ABCC11: variants seen among roughly 807,000 people sequenced by gnomAD.
ABCC11 encodes the protein ATP binding cassette subfamily C member 11.
ABCC11 carries 135 observed loss-of-function variants against 149.3 expected under a neutral mutation model. The ratio of observed to expected loss-of-function variants is 0.90; its 90% confidence interval spans 0.79 to 1.04. The LOEUF (loss-of-function observed/expected upper bound fraction) is 1.04, where lower values mean the gene tolerates loss of function less well. Among genes scored for constraint, ABCC11 ranks in the 50% least tolerant of loss-of-function variants. The pLI is 0.00. For missense variants in ABCC11, 1,680 were observed against 1,722.1 expected (o/e 0.98, Z 0.43); for synonymous variants, 665 against 671.4 (o/e 0.99, Z 0.15).
At chr16:48,188,902 G>A (rs556983456) in intron 20 of ABCC11, among the ~76,000 whole-genome samples, 1 of 152,346 alleles carries the variant, frequency 6.6e-6, no homozygotes, top group South Asian at 2.1e-4. Context: ...CTCAAAGAAA[G>A]AGGAGGGAAG....
At chr16:48,178,461 C>A in intron 24 of ABCC11, 136 bp downstream of exon 24, 1 of 746,738 alleles carries the variant, frequency 1.3e-6, no homozygotes, top group Non-Finnish European at 2.2e-6. Context: ...CTGGGGAAGA[C>A]AGGGAGGAAA....
Position 48,184,590 on chromosome 16 carries a change from C to G in ABCC11, c.3108G>C (p.Leu1036=), listed in dbSNP as rs748658671. The change falls in exon 23 of 30, where the codon CTG becomes CTC. Residue 1036 remains leucine (L), a synonymous_variant. Transcript: ENST00000356608. ...ATCGTGTGGAAGATAGAAACAACAG[C>G]AGGTAGTTATTCTGCGCATCAGTCA... is the stretch of plus-strand genomic sequence containing the variant. The part of the protein sequence containing the change: ...KRLTDAQNNY[L]LLFLSSTRWM... 3 of 1,614,190 alleles carry G rather than the reference C, an allele frequency of 1.9e-6. No homozygotes were observed. Among genetic ancestry groups the G allele is most frequent in the South Asian group, 2.2e-5 (2 of 91,078 alleles).
In ABCC11 at chr16:48,170,953, G is replaced by T; in HGVS notation, c.3713C>A (p.Pro1238His). Residue 1238 changes from proline to histidine, a missense_variant, in exon 27 of 30, where the codon CCC (proline) becomes CAC (histidine). Pro to His is a moderately conservative substitution (Grantham distance 77, BLOSUM62 -2). Coordinates refer to ENST00000356608, the MANE Select transcript of ABCC11 (RefSeq NM_001370497.1). ...LSGTIRFNLD[P>H]FDRHTDQQIW... ...CTGCTGGTCAGTGTGACGGTCAAAG[G>T]GATCTAGGTTGAATCTACCATATGA... The T allele has an allele frequency of 6.2e-7, 1 of 1,613,436 alleles. No homozygotes were observed. Among genetic ancestry groups the T allele is most frequent in the Non-Finnish European group, 8.5e-7 (1 of 1,179,366 alleles).
At chr16:48,244,498 G>A in intron 1 of ABCC11, 2 of 1,596,560 alleles carry the variant, frequency 1.3e-6, no homozygotes, top group Non-Finnish European at 8.5e-7. Context: ...GACTCGGCCC[G>A]CAACCTGCAG....
At chr16:48,218,597 C>G (rs1969507326) in intron 6 of ABCC11, among the ~76,000 whole-genome samples, 1 of 152,160 alleles carries the variant, frequency 6.6e-6, no homozygotes. Flanking sequence ...TGGCTGGGTT[C>G]CCACCCAAAT....
Position 48,207,300 on chromosome 16 carries a change from C to A in ABCC11, c.1680+1125G>T, listed in dbSNP as rs575837302. 3.3e-5 allele frequency among the ~76,000 whole-genome samples: 5 copies of A among 152,168 alleles called. No individual in the cohort carries two copies. The South Asian group carries it at 1.0e-3, about 32-fold the overall frequency. On this transcript the variant is annotated intron_variant, in intron 12 of 29. Transcript: ENST00000356608. Reference sequence around the variant, plus strand: ...AAATGCATAGCAGGCGTCATGGGTGCTTTTAGTGTTCGTTATAAGGTGTGC... The same window carrying A: ...AAATGCATAGCAGGCGTCATGGGTGATTTTAGTGTTCGTTATAAGGTGTGC...
At position 48,167,489 on chromosome 16, in the gene ABCC11, C is replaced by G. The variant is rs201343009; in HGVS notation, c.4056+7G>C. The G allele has an allele frequency of 9.3e-6, 15 of 1,613,846 alleles. No individual in the cohort carries two copies. The highest frequency in any genetic ancestry group is 2.2e-5 in the South Asian group (2 of 91,068). On this transcript the variant is annotated splice_region_variant and intron_variant, in intron 29 of 29. Coordinates refer to ENST00000356608, the MANE Select transcript of ABCC11 (RefSeq NM_001370497.1). The stretch of plus-strand genomic sequence containing the variant: ...TCCTCCCACCAGCCCAAGGACGCAG[C>G]CTTCACCTTCCCATTGCCCATAACC...
intron 1 of ABCC11, 70 bp from the exon 2 acceptor site, chr16:48,232,009 G>A: frequency 6.3e-7 from 1 of 1,595,582 alleles, no homozygotes; most frequent in Non-Finnish European, 8.5e-7. Context: ...CTCGCCTTGA[G>A]CAGCCAGAAG....
chr16:48,221,270 A>G (rs1969717553), intron 6 of ABCC11, among the ~76,000 whole-genome samples: 1 of 152,228 alleles, frequency 6.6e-6, no homozygotes, highest in Non-Finnish European at 1.5e-5. Flanking sequence ...TTTTCCAAAA[A>G]TTAAAGTATC....
In ABCC11 at chr16:48,166,262, C is replaced by T. The variant is rs1025990899; in HGVS notation, c.*1012G>A. ...AACAAGCACATGACCCAAGCTGGCC[C>T]AGTGAGATTTCACCCTGGAATCATT... is the stretch of plus-strand genomic sequence containing the variant. On this transcript the variant is annotated 3_prime_UTR_variant, in exon 30 of 30. Coordinates refer to ENST00000356608, the MANE Select transcript of ABCC11 (RefSeq NM_001370497.1). Among the ~76,000 whole-genome samples, 2 of 152,192 alleles carry T rather than the reference C, an allele frequency of 1.3e-5. No individual in the cohort carries two copies. Among genetic ancestry groups the T allele is most frequent in the African/African-American group, 4.8e-5 (2 of 41,446 alleles).
At chr16:48,229,214 C>G (rs1037900550) in intron 3 of ABCC11, among the ~76,000 whole-genome samples, 2 of 151,978 alleles carry the variant, frequency 1.3e-5, no homozygotes, top group Non-Finnish European at 1.5e-5. Context: ...GTGCTAATAT[C>G]TTAAAGCCCC....
At position 48,167,165 on chromosome 16, in the gene ABCC11, G is replaced by A. The variant is rs1965379141; in HGVS notation, c.*109C>T. The A allele has an allele frequency of 3.5e-5, 22 of 629,656 alleles. No homozygotes were observed. In the South Asian group the frequency reaches 3.7e-4, roughly 10 times the overall value. 39.0% of individuals were successfully genotyped at this position (629,656 alleles called of 1,614,324 possible). The stretch of plus-strand genomic sequence containing the variant: ...CCCCTACATTTACCCCTGCTTCCAG[G>A]AGAAGTTCTCATCTCCAAACAAGAA... On this transcript the variant is annotated 3_prime_UTR_variant, in exon 30 of 30. Transcript: ENST00000356608.
rs375512036 is a variant in ABCC11 at position 48,208,411 on chromosome 16, C to T, written c.1680+14G>A. 1.7e-4 allele frequency: 277 copies of T among 1,614,010 alleles called. No individual in the cohort carries two copies. The highest frequency in any genetic ancestry group is 2.2e-4 in the Non-Finnish European group (265 of 1,179,916). On this transcript the variant is annotated intron_variant, in intron 12 of 29. Transcript: ENST00000356608. ...GCCTGCAGACAGGCAAGCATGTGGC[C>T]ACAGATCACTTACCTCCTCCAGGAT...
intron 20 of ABCC11, 25 bp from the exon 21 acceptor site, chr16:48,187,452 C>T (rs751246833): frequency 4.8e-5 from 75 of 1,570,662 alleles, no homozygotes; most frequent in Admixed American, 1.6e-4. Flanking sequence ...TCAACGCAGA[C>T]CATGAGAGAA....
chr16:48,201,474 CTTT>C (rs560323114), intron 14 of ABCC11, among the ~76,000 whole-genome samples: 1 of 123,448 alleles, frequency 8.1e-6, no homozygotes. Context: ...TTTTCTTTTT[CTTT>C]TTTTTTTTTT....
rs1971196343 is a variant in ABCC11 at position 48,244,254 on chromosome 16, C to T, written c.-19+3060G>A. 14 of 630,154 alleles carry T rather than the reference C, an allele frequency of 2.2e-5. No individual in the cohort carries two copies. The South Asian group carries it at 2.8e-4, about 13-fold the overall frequency. 39.0% of individuals were successfully genotyped at this position (630,154 alleles called of 1,614,324 possible). A position where few individuals can be genotyped will look rare whatever the true frequency, so the allele number is the denominator to read the frequency against. Reference sequence around the variant, plus strand: ...CAGCGCGAAGCCATGGCTTTTGGGCCCGGGGACGGACCGTAGCGCGTAGCC... The same window carrying T: ...CAGCGCGAAGCCATGGCTTTTGGGCTCGGGGACGGACCGTAGCGCGTAGCC... On this transcript the variant is annotated intron_variant, in intron 1 of 29. Transcript: ENST00000356608.
Position 48,198,156 on chromosome 16 carries a change from G to A in ABCC11, c.2202C>T (p.His734=), listed in dbSNP as rs771432563. ...CAGGACTCACCGAAGTGGCTTCCTT[G>A]TGCATCTTCTGGATAAGTTGGGCAT... is the stretch of plus-strand genomic sequence containing the variant. The part of the protein sequence containing the change: ...GKYAQLIQKM[H]KEATSDMLQD... Residue 734 remains histidine (H), a synonymous_variant, in exon 16 of 30, where the codon CAC becomes CAT. Coordinates refer to ENST00000356608, the MANE Select transcript of ABCC11 (RefSeq NM_001370497.1). 2.5e-6 allele frequency: 4 copies of A among 1,614,202 alleles called. No individual in the cohort carries two copies. Among genetic ancestry groups the A allele is most frequent in the Non-Finnish European group, 3.4e-6 (4 of 1,180,038 alleles).
intron 10 of ABCC11, among the ~76,000 whole-genome samples, chr16:48,211,477 C>T (rs563570613): frequency 1.3e-5 from 2 of 152,262 alleles, no homozygotes; most frequent in Admixed American, 1.3e-4. Context: ...TTGACTAAGG[C>T]CTAACCTACA....
At chr16:48,204,779 T>G (rs1311928993) in intron 13 of ABCC11, among the ~76,000 whole-genome samples, 4 of 152,174 alleles carry the variant, frequency 2.6e-5, no homozygotes, top group African/African-American at 9.7e-5. Context: ...AGCTGTAGCA[T>G]TCAGAGCAGT....
Sources: gnomAD v4.1 joint callset for allele counts (sites outside exome capture counted in the v4.1 genomes callset) on GRCh38, gnomAD v4.1.1 for gene constraint, MANE v1.5 for transcripts, NCBI Gene and HGNC (gene_info 2026-07-23, HGNC 2026-07-21) for gene names.